Variants in OTUD7A observed in about 807,000 individuals in gnomAD.
OTUD7A encodes the protein OTU domain-containing protein 7A.
Under a neutral mutation model 65.7 loss-of-function variants are expected in OTUD7A, and 12 were observed. The observed-to-expected ratio is 0.18, with a 90% CI of 0.12 to 0.30. The LOEUF (loss-of-function observed/expected upper bound fraction) is 0.30. Ranked by LOEUF, OTUD7A falls within the 10% of genes least tolerant of loss-of-function variation. The pLI is 1.00. For synonymous variants in OTUD7A, 641 were observed against 586.3 expected (o/e 1.09, Z -1.35); for missense variants, 1,148 against 1,304.8 (o/e 0.88, Z 1.85).
intron 1 of OTUD7A, among the ~76,000 whole-genome samples, chr15:31,658,975 T>G (rs1036000042): frequency 4.0e-5 from 6 of 150,422 alleles, no homozygotes; most frequent in Non-Finnish European, 8.9e-5. Context: ...GAGGTTACAG[T>G]GAGCTGAGAT....
In OTUD7A at chr15:31,484,163, C is replaced by A; in HGVS notation, c.1933G>T (p.Ala645Ser). The change falls in exon 13 of 13, where the codon GCC becomes TCC. Residue 645 changes from alanine (A) to serine (S), a missense_variant. Ala to Ser is a moderately conservative substitution (Grantham distance 99, BLOSUM62 1). This residue lies in a region of OTUD7A where 842 missense variants were observed against 769.5 expected (regional missense o/e 1.09). Transcript: ENST00000307050. The surrounding 1 kb of genome is among the most constrained non-coding windows in gnomAD (Gnocchi z 4.5). ...AMQGERKFIF[A>S]GLLLTSHRHQ... ...CGGTGGCTGGTGAGCAGCAGGCCGG[C>A]GAAGATGAACTTGCGCTCCCCCTGC... 1 of 1,610,360 alleles carries A rather than the reference C, an allele frequency of 6.2e-7. No homozygotes were observed. The highest frequency in any genetic ancestry group is 8.5e-7 in the Non-Finnish European group (1 of 1,179,526).
intron 1 of OTUD7A, among the ~76,000 whole-genome samples, chr15:31,703,003 T>C (rs566909649): frequency 2.0e-5 from 3 of 151,584 alleles, no homozygotes; most frequent in Admixed American, 6.6e-5. Flanking sequence ...CAAATGGTGC[T>C]GGAACAAGGG....
chr15:31,767,565 C>T, intron 1 of OTUD7A: 2 of 806,814 alleles, frequency 2.5e-6, no homozygotes, highest in South Asian at 1.3e-5. Context: ...TGGGGAATTA[C>T]TTGTTTTGGA....
intron 3 of OTUD7A, among the ~76,000 whole-genome samples, chr15:31,607,763 AG>A: frequency 6.6e-6 from 1 of 152,338 alleles, no homozygotes; most frequent in South Asian, 2.1e-4. Flanking sequence ...ACAGGTTTGT[AG>A]CCTAGGAACA....
At chr15:31,765,849 C>G in intron 1 of OTUD7A, 1 of 1,309,170 alleles carries the variant, frequency 7.6e-7, no homozygotes, top group Non-Finnish European at 1.1e-6. Context: ...GGTTGGAAAT[C>G]TTTTCTGATA....
chr15:31,856,865 A>T (rs1220781096), intron 1 of OTUD7A, among the ~76,000 whole-genome samples: 2 of 152,238 alleles, frequency 1.3e-5, no homozygotes, highest in Admixed American at 6.5e-5. Context: ...AGCCGGGAGC[A>T]TCACAGAAGT....
intron 3 of OTUD7A, among the ~76,000 whole-genome samples, chr15:31,619,261 C>T (rs998257522): frequency 1.3e-5 from 2 of 152,140 alleles, no homozygotes; most frequent in African/African-American, 4.8e-5. Flanking sequence ...AATGCGGGCT[C>T]TTTTTTGGTT....
chr15:31,759,575 C>T (rs1894905995), intron 1 of OTUD7A, among the ~76,000 whole-genome samples: 1 of 152,192 alleles, frequency 6.6e-6, no homozygotes, highest in Non-Finnish European at 1.5e-5. Context: ...GCTCTGTCAC[C>T]CAGGATGGAG....
intron 1 of OTUD7A, among the ~76,000 whole-genome samples, 173 bp downstream of exon 1, chr15:31,870,334 C>CCCCCGCGT (rs1253706100): frequency 6.8e-6 from 1 of 146,426 alleles, no homozygotes; most frequent in African/African-American, 2.5e-5. Context: ...GGGCCCGCGC[C>CCCCCGCGT]CCCCGCGTCC....
chr15:31,478,626 T>A lies in OTUD7A; in HGVS notation c.*4668A>T, dbSNP rs1346397892. 1 of 152,224 alleles carries A rather than the reference T, an allele frequency of 6.6e-6. No individual in the cohort carries two copies. Among genetic ancestry groups the A allele is most frequent in the Non-Finnish European group, 1.5e-5 (1 of 68,052 alleles). The allele number at this position is 152,224 out of a possible 1,614,324, so 9.4% of individuals were successfully genotyped here. A position where few individuals can be genotyped will look rare whatever the true frequency, so the allele number is the denominator to read the frequency against. On this transcript the variant is annotated 3_prime_UTR_variant, in exon 13 of 13. Coordinates refer to ENST00000307050, the MANE Select transcript of OTUD7A (RefSeq NM_001382637.1). ...TTCTTCATACTGCACAGACTGCACA[T>A]AACTGTTGTTCCCAAGGGGTCCCTG...
At chr15:31,649,917 A>T (rs1234626359) in intron 3 of OTUD7A, 3 of 208,526 alleles carry the variant, frequency 1.4e-5, no homozygotes, top group African/African-American at 7.2e-5. Context: ...CCCAGTGTGG[A>T]GTCAATGCAG....
chr15:31,753,709 T>TA (rs1567004964), intron 1 of OTUD7A, among the ~76,000 whole-genome samples: 2 of 112,526 alleles, frequency 1.8e-5, no homozygotes, highest in Non-Finnish European at 3.4e-5. Context: ...ATATTATATA[T>TA]ATATATATAT....
intron 12 of OTUD7A, among the ~76,000 whole-genome samples, chr15:31,485,445 G>T (rs1162210351): frequency 1.3e-5 from 2 of 152,210 alleles, no homozygotes; most frequent in African/African-American, 4.8e-5. Context: ...CAGCAAAAAA[G>T]ATGTTCCCAT....
At chr15:31,564,312 A>G (rs1258195242) in intron 4 of OTUD7A, among the ~76,000 whole-genome samples, 1 of 151,734 alleles carries the variant, frequency 6.6e-6, no homozygotes, top group African/African-American at 2.4e-5. Context: ...TATACCATGT[A>G]AATCTTTTTA....
chr15:31,518,766 G>C (rs1158178819), intron 8 of OTUD7A, among the ~76,000 whole-genome samples: 4 of 152,252 alleles, frequency 2.6e-5, no homozygotes, highest in African/African-American at 9.6e-5. Flanking sequence ...CTGCACAGCA[G>C]AGCCAGTCTG....
intron 1 of OTUD7A, among the ~76,000 whole-genome samples, chr15:31,677,541 T>C (rs1465403150): frequency 1.3e-5 from 2 of 152,114 alleles, no homozygotes; most frequent in African/African-American, 2.4e-5. Context: ...GCTGTTCTCA[T>C]GATAATGAGT....
chr15:31,682,561 C>A (rs183833189), intron 1 of OTUD7A, among the ~76,000 whole-genome samples: 1 of 152,294 alleles, frequency 6.6e-6, no homozygotes, highest in African/African-American at 2.4e-5. Flanking sequence ...AAACAAAAGA[C>A]AACTGATTTT....
intron 3 of OTUD7A, among the ~76,000 whole-genome samples, chr15:31,644,389 T>C (rs1173712261): frequency 1.3e-5 from 2 of 151,982 alleles, no homozygotes; most frequent in African/African-American, 4.8e-5. Context: ...ATCAAGAACT[T>C]TGGATCAGGC....
intron 5 of OTUD7A, among the ~76,000 whole-genome samples, chr15:31,543,046 A>G (rs1046538971): frequency 1.3e-5 from 2 of 151,972 alleles, no homozygotes; most frequent in African/African-American, 4.8e-5. Flanking sequence ...GAAACAAAAA[A>G]GGTAAGCATA....
Sources: gnomAD v4.1 joint callset for allele counts (sites outside exome capture counted in the v4.1 genomes callset) on GRCh38, gnomAD v4.1.1 for gene constraint, gnomAD v4.1.1 regional missense constraint, Gnocchi (gnomAD v3.1) non-coding constraint, MANE v1.5 for transcripts, NCBI Gene and HGNC (gene_info 2026-07-23, HGNC 2026-07-21) for gene names.